The following SORL1 variants were observed in gnomAD, a reference collection of about 807,000 sequenced individuals.
SORL1 encodes the protein sortilin-related receptor.
In SORL1, 127 loss-of-function variants were observed where a neutral mutation model predicts 273.7. The observed-to-expected ratio is 0.46, with a 90% CI of 0.40 to 0.54. The LOEUF (loss-of-function observed/expected upper bound fraction) is 0.54, where lower values mean the gene tolerates loss of function less well. SORL1 is among the 20% of genes least tolerant of loss of function. The pLI is 0.00. For synonymous variants in SORL1, 1,031 were observed against 1,067.4 expected (o/e 0.97, Z 0.66); for missense variants, 2,494 against 2,846.1 (o/e 0.88, Z 2.81).
At position 121,550,114 on chromosome 11, in the gene SORL1, C is replaced by A. The variant is rs1273668525; in HGVS notation, c.2180+26C>A. ...GTATGTATCACAGAGGTTGCCCTGTCAGGTTCTCAGCGGTCCGCACATGGA... is the reference window on the plus strand; with the variant it reads ...GTATGTATCACAGAGGTTGCCCTGTAAGGTTCTCAGCGGTCCGCACATGGA... On this transcript the variant is annotated intron_variant, in intron 15 of 47. Transcript: ENST00000260197. The surrounding 1 kb of genome is among the most constrained non-coding windows in gnomAD (Gnocchi z 5.3). 6.2e-7 allele frequency: 1 copy of A among 1,607,436 alleles called. No individual in the cohort carries two copies. Among genetic ancestry groups the A allele is most frequent in the African/African-American group, 1.3e-5 (1 of 74,870 alleles).
intron 32 of SORL1, among the ~76,000 whole-genome samples, chr11:121,597,600 G>C (rs1342269410): frequency 6.6e-6 from 1 of 152,096 alleles, no homozygotes; most frequent in South Asian, 2.1e-4. Context: ...TAGCTGGGAC[G>C]ACAGGCATGC....
intron 14 of SORL1, among the ~76,000 whole-genome samples, chr11:121,547,772 T>C (rs1193936346): frequency 6.6e-6 from 1 of 152,032 alleles, no homozygotes; most frequent in Non-Finnish European, 1.5e-5. Context: ...CCCAACTATA[T>C]GGCTCTTGGA....
intron 3 of SORL1, among the ~76,000 whole-genome samples, chr11:121,480,804 A>G (rs112230042): frequency 0.061 from 811 of 13,292 alleles, no homozygotes; most frequent in Middle Eastern, 0.083. Context: ...CCTATAGGCA[A>G]GCTCCATCTC....
chr11:121,613,362 G>C lies in SORL1; in HGVS notation c.5419+530G>C, dbSNP rs117348586. 5.7e-3 allele frequency among the ~76,000 whole-genome samples: 875 copies of C among 152,286 alleles called. 1 individual carries two copies. The highest frequency in any genetic ancestry group is 9.2e-3 in the Non-Finnish European group (624 of 68,022). On this transcript the variant is annotated intron_variant, in intron 40 of 47. Coordinates refer to ENST00000260197, the MANE Select transcript of SORL1 (RefSeq NM_003105.6). ...AGCTAAAATTCCTCTATCTAAGCACGTGCTAAAGGATGGATTTTAATTTAT... is the reference window on the plus strand; with the variant it reads ...AGCTAAAATTCCTCTATCTAAGCACCTGCTAAAGGATGGATTTTAATTTAT...
At chr11:121,460,394 A>ATTTTT (rs781295199) in intron 1 of SORL1, among the ~76,000 whole-genome samples, 3 of 122,944 alleles carry the variant, frequency 2.4e-5, no homozygotes, top group African/African-American at 3.1e-5. Flanking sequence ...GTCATGATGA[A>ATTTTT]TTTTTTTTTT....
rs1354261851 is a variant in SORL1, at chr11:121,488,267, C to T, written c.690+74C>T. On this transcript the variant is annotated intron_variant, in intron 4 of 47. Transcript: ENST00000260197. Reference sequence around the variant, plus strand: ...CCTCTGCCTGTGTGGATTGTGTGTCCTTTGAGTGACCTCGCCTCCTGCCTC... The same window carrying T: ...CCTCTGCCTGTGTGGATTGTGTGTCTTTTGAGTGACCTCGCCTCCTGCCTC... The T allele has an allele frequency of 2.5e-5, 37 of 1,466,650 alleles. No homozygotes were observed. The Admixed American group carries it at 5.5e-4, about 22-fold the overall frequency. 90.9% of individuals were successfully genotyped at this position (1,466,650 alleles called of 1,614,324 possible).
intron 12 of SORL1, among the ~76,000 whole-genome samples, chr11:121,539,007 G>GCCTCTTAC (rs1462899151): frequency 6.6e-6 from 1 of 152,152 alleles, no homozygotes; most frequent in Non-Finnish European, 1.5e-5. Flanking sequence ...TATACAATTA[G>GCCTCTTAC]CCTTTTACCC....
In SORL1 at chr11:121,474,144, T is replaced by C. The variant is rs117263983; in HGVS notation, c.403-3974T>C. Among the ~76,000 whole-genome samples the C allele has an allele frequency of 2.4e-4, 37 of 152,346 alleles. No homozygotes were observed. In the East Asian group the frequency reaches 6.9e-3, roughly 29 times the overall value. On this transcript the variant is annotated intron_variant, in intron 2 of 47. Transcript: ENST00000260197. ...CAATCTGACCTTGGGCCAGGTGATG[T>C]ACCTTCTCTTGTCCTCCTCTGTCAC...
At chr11:121,527,297 A>G (rs1361783263) in intron 11 of SORL1, among the ~76,000 whole-genome samples, 1 of 152,012 alleles carries the variant, frequency 6.6e-6, no homozygotes, top group Non-Finnish European at 1.5e-5. Context: ...TAAATATTAC[A>G]TTAATTAATT....
intron 12 of SORL1, among the ~76,000 whole-genome samples, chr11:121,540,837 G>A (rs1862337401): frequency 6.6e-6 from 1 of 152,160 alleles, no homozygotes; most frequent in South Asian, 2.1e-4. Flanking sequence ...GGTTATGTTG[G>A]GTTCGAGGAG....
chr11:121,478,317 G>A (rs1414844265), intron 3 of SORL1, 74 bp downstream of exon 3: 6 of 1,520,972 alleles, frequency 3.9e-6, no homozygotes, highest in Non-Finnish European at 5.3e-6. Flanking sequence ...ACTTAAGGGG[G>A]TGCTAGGAGA....
At chr11:121,553,084 A>G (rs1423932385) in intron 16 of SORL1, among the ~76,000 whole-genome samples, 4 of 152,202 alleles carry the variant, frequency 2.6e-5, no homozygotes, top group African/African-American at 7.2e-5. Flanking sequence ...TAGCGTCTGT[A>G]TCATAACAGG....
chr11:121,580,111 G>A (rs1862991540), intron 25 of SORL1, among the ~76,000 whole-genome samples: 1 of 152,134 alleles, frequency 6.6e-6, no homozygotes, highest in African/African-American at 2.4e-5. Flanking sequence ...CTACCTAGGT[G>A]TGGAATTATT....
At chr11:121,619,014 G>C (rs1863682659) in intron 42 of SORL1, 121 bp downstream of exon 42, 6 of 994,598 alleles carry the variant, frequency 6.0e-6, no homozygotes, top group Admixed American at 2.3e-5. Context: ...GTGACGAGAG[G>C]CAACTTCCTC....
chr11:121,582,625 C>G (rs1863029318), intron 25 of SORL1, among the ~76,000 whole-genome samples: 1 of 152,184 alleles, frequency 6.6e-6, no homozygotes, highest in Admixed American at 6.5e-5. Flanking sequence ...TCCAGGTGGC[C>G]TCAGCCCATG....
chr11:121,577,767 G>A (rs1396946635), intron 25 of SORL1, among the ~76,000 whole-genome samples: 1 of 152,190 alleles, frequency 6.6e-6, no homozygotes, highest in African/African-American at 2.4e-5. Context: ...AGCATCAGGG[G>A]GTTCCCCAGA....
intron 25 of SORL1, among the ~76,000 whole-genome samples, chr11:121,578,063 C>T (rs1313263800): frequency 6.6e-6 from 1 of 152,156 alleles, no homozygotes; most frequent in Admixed American, 6.5e-5. Context: ...ATAATCATCA[C>T]TTTGTACCCC....
At chr11:121,531,703 G>T (rs538936169) in intron 11 of SORL1, among the ~76,000 whole-genome samples, 2 of 152,184 alleles carry the variant, frequency 1.3e-5, no homozygotes, top group South Asian at 4.1e-4. Flanking sequence ...ACACTGGTTT[G>T]TGTCTGTTTC....
chr11:121,612,469 T>G (rs1001392141), intron 39 of SORL1: 10 of 315,550 alleles, frequency 3.2e-5, no homozygotes, highest in Non-Finnish European at 5.4e-5. Context: ...CTCGTCCTTT[T>G]ATTCTTCATT....
Sources: allele counts gnomAD v4.1 joint callset (sites outside exome capture counted in the v4.1 genomes callset), GRCh38; gene constraint gnomAD v4.1.1; non-coding constraint Gnocchi (gnomAD v3.1); transcripts MANE v1.5; gene names NCBI Gene and HGNC (gene_info 2026-07-23, HGNC 2026-07-21).